PTCH1: variants seen among roughly 807,000 people sequenced by gnomAD.
The protein encoded by PTCH1 is protein patched homolog 1.
In PTCH1, 14 loss-of-function variants were observed where a neutral mutation model predicts 144.6. That is an observed-to-expected ratio of 0.10 (90% CI 0.06 to 0.15). PTCH1 has a LOEUF of 0.15. PTCH1 is among the 10% of genes least tolerant of loss of function. The pLI is 1.00. For missense variants in PTCH1, 1,623 were observed against 1,948.3 expected, an observed-to-expected ratio of 0.83 and a Z score of 3.14; for synonymous variants, 833 against 793.6, an observed-to-expected ratio of 1.05 and a Z score of -0.83.
chr9:95,449,249 G>A lies in PTCH1; in HGVS notation c.3624C>T (p.Ala1208=), dbSNP rs149691476. 145 of 1,575,610 alleles carry A rather than the reference G, an allele frequency of 9.2e-5. No individual in the cohort carries two copies. In the African/African-American group the frequency reaches 1.8e-3, roughly 20 times the overall value. Residue 1208 remains alanine (A), a synonymous_variant, in exon 22 of 24, where the codon GCC becomes GCT. Transcript: ENST00000331920. The surrounding 1 kb of genome is among the most constrained non-coding windows in gnomAD (Gnocchi z 5.3). ...CGCTGTGCGTGTGGCCGGGCGGCATGGCGAAGCGGACCACGCTGGGGGGTG... is the reference window on the plus strand; with the variant it reads ...CGCTGTGCGTGTGGCCGGGCGGCATAGCGAAGCGGACCACGCTGGGGGGTG... ...PEPPPSVVRF[A]MPPGHTHSGS...
At chr9:95,485,657 A>G (rs1841901017) in intron 3 of PTCH1, 28 bp downstream of exon 3, 3 of 1,613,770 alleles carry the variant, frequency 1.9e-6, no homozygotes, top group Non-Finnish European at 2.5e-6. Context: ...CCTGCTGCTC[A>G]TTAGTAGGTG....
chr9:95,507,652 G>C, intron 1 of PTCH1: 1 of 202,766 alleles, frequency 4.9e-6, no homozygotes, highest in Non-Finnish European at 8.8e-6. Flanking sequence ...TGCCAAAAAA[G>C]GAAACCACCT....
intron 3 of PTCH1, chr9:95,483,257 T>A (rs1841697421): frequency 6.8e-6 from 1 of 148,096 alleles, no homozygotes; most frequent in South Asian, 2.1e-4. Flanking sequence ...AGCAAGACCC[T>A]ATCTCTCAAA....
rs992920730 is a variant in PTCH1 at position 95,509,050 on chromosome 9, C to T, written c.-689G>A. 1.3e-5 allele frequency among the ~76,000 whole-genome samples: 2 copies of T among 151,950 alleles called. No individual in the cohort carries two copies. Among genetic ancestry groups the T allele is most frequent in the Admixed American group, 1.3e-4 (2 of 15,276 alleles). ...CTGGGTTCGCGGTGGCTGCTCGGTCCCGGACTCTGCTTTCTTGTGCTCCTC... is the reference window on the plus strand; with the variant it reads ...CTGGGTTCGCGGTGGCTGCTCGGTCTCGGACTCTGCTTTCTTGTGCTCCTC... On this transcript the variant is annotated 5_prime_UTR_variant, in exon 1 of 24. Transcript: ENST00000331920.
intron 2 of PTCH1, among the ~76,000 whole-genome samples, chr9:95,499,821 C>T (rs541001077): frequency 6.6e-6 from 1 of 152,154 alleles, no homozygotes; most frequent in East Asian, 1.9e-4. Flanking sequence ...GAACTGAACA[C>T]TCATCAGGGG....
At chr9:95,469,419 G>T (rs1055406780) in intron 13 of PTCH1, among the ~76,000 whole-genome samples, 5 of 152,204 alleles carry the variant, frequency 3.3e-5, no homozygotes, top group Admixed American at 2.6e-4. Flanking sequence ...GTTCCATGAT[G>T]ATGAATCCTT....
intron 15 of PTCH1, among the ~76,000 whole-genome samples, chr9:95,463,338 T>C (rs1588557109): frequency 6.6e-6 from 1 of 151,394 alleles, no homozygotes; most frequent in Non-Finnish European, 1.5e-5. Flanking sequence ...GGCTCGGTGG[T>C]GAAAGGAGTC....
rs142689053 is a variant in PTCH1, at chr9:95,478,914, G to A, written c.1215+86C>T. 536 of 1,588,746 alleles carry A rather than the reference G, an allele frequency of 3.4e-4. 2 individuals carry two copies. The African/African-American group carries it at 5.5e-3, about 16-fold the overall frequency. On this transcript the variant is annotated intron_variant, in intron 8 of 23. Transcript: ENST00000331920. ...AATTGCAATGTTTTGAAAATAAAGCGAATGGAAAGAAATGTTTTAAATAAT... is the reference window on the plus strand; with the variant it reads ...AATTGCAATGTTTTGAAAATAAAGCAAATGGAAAGAAATGTTTTAAATAAT...
rs1838650766 is a variant in PTCH1, at chr9:95,453,484, A to G, written c.3443T>C (p.Ile1148Thr). Residue 1148 changes from isoleucine (I) to threonine (T), a missense_variant, in exon 20 of 24, where the codon ATT becomes ACT. Ile to Thr is a moderately conservative substitution (Grantham distance 89). Around this residue, in one of 7 missense-constraint regions of PTCH1, gnomAD observed 504 missense variants for 679.3 expected, o/e 0.74. Coordinates refer to ENST00000331920, the MANE Select transcript of PTCH1 (RefSeq NM_000264.5). ...LMLAGSEFDF[I>T]VRYFFAVLAI... is the part of the protein sequence containing the mutation. ...CTTGCACACGCCTGCTTACCTGACAATGAAGTCGAACTCAGATCCCGCCAG... is the reference window on the plus strand; with the variant it reads ...CTTGCACACGCCTGCTTACCTGACAGTGAAGTCGAACTCAGATCCCGCCAG... 7 of 1,613,984 alleles carry G rather than the reference A, an allele frequency of 4.3e-6. No individual in the cohort carries two copies. The highest frequency in any genetic ancestry group is 5.1e-6 in the Non-Finnish European group (6 of 1,180,036).
At position 95,485,840 on chromosome 9, in the gene PTCH1, A is replaced by T. The variant is rs144117078; in HGVS notation, c.429T>A (p.Thr143=). Reference sequence around the variant, plus strand: ...TAGCCTCTTCTCCAATCTTCTGGCGAGTATAATTTAATTCACGACTTACTC... The same window carrying T: ...TAGCCTCTTCTCCAATCTTCTGGCGTGTATAATTTAATTCACGACTTACTC... The part of the protein sequence containing the change: ...GGRVSRELNY[T]RQKIGEEAMF... The change falls in exon 3 of 24, where the codon ACT becomes ACA. Residue 143 remains threonine (T), a synonymous_variant. Coordinates refer to ENST00000331920, the MANE Select transcript of PTCH1 (RefSeq NM_000264.5). The T allele has an allele frequency of 6.2e-7, 1 of 1,614,072 alleles. No individual in the cohort carries two copies. The highest frequency in any genetic ancestry group is 8.5e-7 in the Non-Finnish European group (1 of 1,180,050).
At position 95,446,999 on chromosome 9, in the gene PTCH1, C is replaced by T. The variant is rs1588509739; in HGVS notation, c.4257G>A (p.Arg1419=). 1.2e-6 allele frequency: 2 copies of T among 1,614,208 alleles called. No homozygotes were observed. The highest frequency in any genetic ancestry group is 1.7e-6 in the Non-Finnish European group (2 of 1,180,032). The change falls in exon 23 of 24, where the codon CGG becomes CGA. Residue 1419 remains arginine, a synonymous_variant. Coordinates refer to ENST00000331920, the MANE Select transcript of PTCH1 (RefSeq NM_000264.5). ...CCACCTTCGAATCCCTCCTCTCACACCGGACGTGGAAAGGCACGTGGGGGT... is the reference window on the plus strand; with the variant it reads ...CCACCTTCGAATCCCTCCTCTCACATCGGACGTGGAAAGGCACGTGGGGGT... ...FEDPHVPFHV[R]CERRDSKVEV... is the part of the protein sequence containing the mutation.
At chr9:95,482,092 G>T in intron 4 of PTCH1, 42 bp downstream of exon 4, 2 of 1,608,372 alleles carry the variant, frequency 1.2e-6, no homozygotes, top group Non-Finnish European at 1.7e-6. Context: ...CACACTACTG[G>T]GGTGTTCCTG....
Position 95,480,460 on chromosome 9 carries a change from A to G in PTCH1, c.875T>C (p.Met292Thr), listed in dbSNP as rs748727674. The change falls in exon 6 of 24, where the codon ATG (methionine) becomes ACG (threonine). Residue 292 changes from methionine (M) to threonine (T), a missense_variant. Coordinates refer to ENST00000331920, the MANE Select transcript of PTCH1 (RefSeq NM_000264.5). The stretch of plus-strand genomic sequence containing the variant: ...GGCCGGATTGAGGCAGGGGCGGTCC[A>G]TGTAACCATGACCAACCTCAGCCTT... ...LNKAEVGHGY[M>T]DRPCLNPADP... 5.8e-5 allele frequency: 93 copies of G among 1,612,068 alleles called. 1 individual carries two copies. In the South Asian group the frequency reaches 9.2e-4, roughly 16 times the overall value.
intron 2 of PTCH1, among the ~76,000 whole-genome samples, chr9:95,498,075 A>G (rs183226094): frequency 2.6e-5 from 4 of 152,342 alleles, no homozygotes; most frequent in Admixed American, 2.6e-4. Flanking sequence ...TAAGGGGGAA[A>G]AAAAATCATG....
intron 2 of PTCH1, among the ~76,000 whole-genome samples, chr9:95,506,000 G>C (rs1387898130): frequency 1.4e-5 from 2 of 147,964 alleles, no homozygotes; most frequent in African/African-American, 4.9e-5. Context: ...CGCGGTGGGT[G>C]GGGGTGGGGG....
At chr9:95,480,361 T>C (rs755026898) in intron 6 of PTCH1, 29 bp downstream of exon 6, 2 of 1,608,718 alleles carry the variant, frequency 1.2e-6, no homozygotes, top group Non-Finnish European at 1.7e-6. Context: ...CTCTCCACCC[T>C]TCTGAGAGCG....
chr9:95,469,915 A>G lies in PTCH1; in HGVS notation c.1745T>C (p.Val582Ala), dbSNP rs1186348167. 2 of 1,613,828 alleles carry G rather than the reference A, an allele frequency of 1.2e-6. No individual in the cohort carries two copies. Among genetic ancestry groups the G allele is most frequent in the Non-Finnish European group, 1.7e-6 (2 of 1,179,894 alleles). ...AFSLQAAVVV[V>A]FNFAMVLLIF... Reference sequence around the variant, plus strand: ...GAGCAGAACCATGGCAAAATTGAACACCACTACTACCGCTGCCTGGGAGCA... The same window carrying G: ...GAGCAGAACCATGGCAAAATTGAACGCCACTACTACCGCTGCCTGGGAGCA... Residue 582 changes from valine (V) to alanine (A), a missense_variant, in exon 13 of 24, where the codon GTG (valine) becomes GCG (alanine). By Grantham distance (64) the Val-to-Ala change is moderately conservative. This residue lies in a region of PTCH1 where 135 missense variants were observed against 228.7 expected (regional missense o/e 0.59). Coordinates refer to ENST00000331920, the MANE Select transcript of PTCH1 (RefSeq NM_000264.5).
chr9:95,452,776 A>G (rs1455168283), intron 20 of PTCH1: 3 of 153,462 alleles, frequency 2.0e-5, no homozygotes, highest in African/African-American at 7.2e-5. Flanking sequence ...TTAAAAGAAT[A>G]AAGTCAGGTG....
At position 95,458,219 on chromosome 9, in the gene PTCH1, C is replaced by T; in HGVS notation, c.2962G>A (p.Val988Met). The change falls in exon 18 of 24, where the codon GTG becomes ATG. Residue 988 changes from valine to methionine, a missense_variant. Physicochemically the swap from Val to Met is conservative, Grantham distance 21. Transcript: ENST00000331920. This position sits in a 1 kb window ranked among gnomAD's most constrained non-coding sequence, Gnocchi z 4.7. ...LNGLRDTSDF[V>M]EAIEKVRTIC... Reference sequence around the variant, plus strand: ...GTCCTTACTTTTTCAATTGCCTCCACAAAGTCTGAGGTGTCCCGCAAGCCG... The same window carrying T: ...GTCCTTACTTTTTCAATTGCCTCCATAAAGTCTGAGGTGTCCCGCAAGCCG... 6.2e-7 allele frequency: 1 copy of T among 1,614,132 alleles called. No homozygotes were observed. Among genetic ancestry groups the T allele is most frequent in the Non-Finnish European group, 8.5e-7 (1 of 1,180,046 alleles).
Sources: gnomAD v4.1 joint callset for allele counts (sites outside exome capture counted in the v4.1 genomes callset) on GRCh38, gnomAD v4.1.1 for gene constraint, gnomAD v4.1.1 regional missense constraint, Gnocchi (gnomAD v3.1) non-coding constraint, MANE v1.5 for transcripts, NCBI Gene and HGNC (gene_info 2026-07-23, HGNC 2026-07-21) for gene names.